Variants in TPCN1 observed in about 807,000 individuals in gnomAD.
The protein encoded by TPCN1 is two pore segment channel 1.
A neutral mutation model predicts 108.8 loss-of-function variants in TPCN1; 52 were observed. That is an observed-to-expected ratio of 0.48 (90% CI 0.38 to 0.60). TPCN1 has a LOEUF of 0.60. Ranked by LOEUF, TPCN1 falls within the 20% of genes least tolerant of loss-of-function variation. TPCN1 has a pLI of 0.00. For synonymous variants in TPCN1, 446 were observed against 433.7 expected, an observed-to-expected ratio of 1.03 and a Z score of -0.35; for missense variants, 806 against 1,072.8, an observed-to-expected ratio of 0.75 and a Z score of 3.47.
At chr12:113,260,282 G>A in intron 2 of TPCN1, 86 bp from the exon 3 acceptor site, 1 of 1,404,840 alleles carries the variant, frequency 7.1e-7, no homozygotes, top group Non-Finnish European at 9.3e-7. Context: ...CATATGAAGG[G>A]ACTGCCAGGC....
intron 2 of TPCN1, among the ~76,000 whole-genome samples, chr12:113,230,126 G>A (rs968641026): frequency 1.3e-5 from 2 of 152,000 alleles, no homozygotes; most frequent in African/African-American, 4.8e-5. Flanking sequence ...TCTCTTTGAA[G>A]CCTTCACTGA....
Position 113,291,890 on chromosome 12 carries a change from T to C in TPCN1, c.2045T>C (p.Ile682Thr), listed in dbSNP as rs199850399. ...CCTGGCCAGGTGGTGATGACGATCATTGTCGCCTTTATCCTCGAGGCCTTC... is the reference window on the plus strand; with the variant it reads ...CCTGGCCAGGTGGTGATGACGATCACTGTCGCCTTTATCCTCGAGGCCTTC... ...YIVTMVVMTI[I>T]VAFILEAFVF... Residue 682 changes from isoleucine (I) to threonine (T), a missense_variant, in exon 25 of 28, where the codon ATT becomes ACT. By Grantham distance (89) the Ile-to-Thr change is moderately conservative. Coordinates refer to ENST00000335509, the MANE Select transcript of TPCN1 (RefSeq NM_017901.6). 7.3e-6 allele frequency: 11 copies of C among 1,510,438 alleles called. No homozygotes were observed. The Admixed American group carries it at 1.4e-4, about 20-fold the overall frequency. 93.6% of individuals were successfully genotyped at this position (1,510,438 alleles called of 1,614,324 possible).
At position 113,290,155 on chromosome 12, in the gene TPCN1, C is replaced by T. The variant is rs142922312; in HGVS notation, c.1824C>T (p.Arg608=). Reference sequence around the variant, plus strand: ...CGAGTACAGTGGCAGATGCCTACCGCTGGCGCAACCACACCGTGGGCAACA... The same window carrying T: ...CGAGTACAGTGGCAGATGCCTACCGTTGGCGCAACCACACCGTGGGCAACA... ...CNTSTVADAY[R]WRNHTVGNRT... Residue 608 remains arginine, a synonymous_variant, in exon 22 of 28, where the codon CGC becomes CGT. Coordinates refer to ENST00000335509, the MANE Select transcript of TPCN1 (RefSeq NM_017901.6). The T allele has an allele frequency of 5.7e-3, 9,083 of 1,602,666 alleles. 39 individuals are homozygous for T. Among genetic ancestry groups the T allele is most frequent in the South Asian group, 6.9e-3 (616 of 89,212 alleles).
At chr12:113,239,819 T>C (rs1357477776) in intron 2 of TPCN1, among the ~76,000 whole-genome samples, 1 of 152,248 alleles carries the variant, frequency 6.6e-6, no homozygotes, top group Admixed American at 6.5e-5. Flanking sequence ...AGACTGCCTG[T>C]CTCTCTTTTT....
At chr12:113,239,585 GC>G (rs1186206355) in intron 2 of TPCN1, among the ~76,000 whole-genome samples, 1 of 152,322 alleles carries the variant, frequency 6.6e-6, no homozygotes, top group Non-Finnish European at 1.5e-5. Flanking sequence ...GACTGTCACA[GC>G]TAAACCAGCC....
Position 113,295,980 on chromosome 12 carries a change from C to T in TPCN1, c.2355C>T (p.Ala785=), listed in dbSNP as rs1956413216. Residue 785 remains alanine (A), a synonymous_variant, in exon 28 of 28, where the codon GCC becomes GCT. Coordinates refer to ENST00000335509, the MANE Select transcript of TPCN1 (RefSeq NM_017901.6). ...EEIQEWYEEH[A]REQEQQRQLS... Reference sequence around the variant, plus strand: ...TCCAGGAGTGGTATGAGGAGCATGCCAGGGAGCAAGAGCAGCAGCGACAAC... The same window carrying T: ...TCCAGGAGTGGTATGAGGAGCATGCTAGGGAGCAAGAGCAGCAGCGACAAC... The T allele has an allele frequency of 6.2e-7, 1 of 1,609,928 alleles. No homozygotes were observed. The highest frequency in any genetic ancestry group is 2.2e-5 in the East Asian group (1 of 44,808).
intron 10 of TPCN1, among the ~76,000 whole-genome samples, chr12:113,275,113 G>A (rs1039154236): frequency 5.9e-5 from 9 of 152,152 alleles, no homozygotes; most frequent in Admixed American, 2.6e-4. Context: ...AGAGGCTTCC[G>A]ATCGAGTCCT....
In TPCN1 at chr12:113,268,052, G is replaced by C. The variant is rs941380183; in HGVS notation, c.528+96G>C. 6 of 892,960 alleles carry C rather than the reference G, an allele frequency of 6.7e-6. No individual in the cohort carries two copies. The African/African-American group carries it at 8.2e-5, about 12-fold the overall frequency. 55.3% of individuals were successfully genotyped at this position (892,960 alleles called of 1,614,324 possible). On this transcript the variant is annotated intron_variant, in intron 5 of 27. Transcript: ENST00000335509. The surrounding 1 kb of genome is among the most constrained non-coding windows in gnomAD (Gnocchi z 7.3). ...TGGTACAATTCAGAATCCACCATGGGCCCAGTCCATGCTCAGAGGTGTAAC... is the reference window on the plus strand; with the variant it reads ...TGGTACAATTCAGAATCCACCATGGCCCCAGTCCATGCTCAGAGGTGTAAC...
chr12:113,281,240 A>G (rs1955877210), intron 15 of TPCN1, among the ~76,000 whole-genome samples: 1 of 152,038 alleles, frequency 6.6e-6, no homozygotes, highest in Non-Finnish European at 1.5e-5. Context: ...GAGTTTCACC[A>G]TGTTGACCAG....
rs1226840239 is a variant in TPCN1, at chr12:113,284,652, G to C, written c.1399+15G>C. The C allele has an allele frequency of 6.2e-7, 1 of 1,614,112 alleles. No homozygotes were observed. Among genetic ancestry groups the C allele is most frequent in the African/African-American group, 1.3e-5 (1 of 74,936 alleles). On this transcript the variant is annotated intron_variant, in intron 16 of 27. Transcript: ENST00000335509. This position sits in a 1 kb window ranked among gnomAD's most constrained non-coding sequence, Gnocchi z 4.1. ...TATGCTGAAAGGTGAGCCCCGCTCA[G>C]GGACTGGCCGTGTCCTGGCCGGCAC...
intron 2 of TPCN1, chr12:113,244,268 C>T (rs1017225781): frequency 2.0e-5 from 20 of 981,670 alleles, no homozygotes; most frequent in Non-Finnish European, 2.3e-5. Flanking sequence ...TTTCCCTTTC[C>T]TCCTTTGGCT....
intron 2 of TPCN1, among the ~76,000 whole-genome samples, chr12:113,235,612 C>T (rs1041619781): frequency 7.9e-5 from 12 of 151,974 alleles, no homozygotes; most frequent in Admixed American, 5.9e-4. Flanking sequence ...CTAAAATGGC[C>T]GCACATTTAG....
intron 15 of TPCN1, among the ~76,000 whole-genome samples, chr12:113,281,746 C>T (rs1228006106): frequency 6.6e-6 from 1 of 151,814 alleles, no homozygotes; most frequent in African/African-American, 2.4e-5. Flanking sequence ...CTCATGTTGC[C>T]CAGGCTGGTC....
chr12:113,290,742 TG>T (rs1289937274), intron 22 of TPCN1, among the ~76,000 whole-genome samples: 1 of 152,130 alleles, frequency 6.6e-6, no homozygotes, highest in Non-Finnish European at 1.5e-5. Context: ...GCAGAGGGTG[TG>T]TTCTCTTGGG....
chr12:113,291,035 C>T (rs368522400), intron 23 of TPCN1, 37 bp downstream of exon 23: 2 of 1,607,414 alleles, frequency 1.2e-6, no homozygotes, highest in Middle Eastern at 1.7e-4. Flanking sequence ...ATCTTCCCGC[C>T]AGCCCTGGGG....
At chr12:113,283,343 G>A (rs1287642667) in intron 15 of TPCN1, among the ~76,000 whole-genome samples, 1 of 152,070 alleles carries the variant, frequency 6.6e-6, no homozygotes, top group East Asian at 1.9e-4. Context: ...ACCGTAATAT[G>A]TAGAAATGAG....
At chr12:113,222,371 A>G (rs562915216) in intron 1 of TPCN1, among the ~76,000 whole-genome samples, 1 of 152,184 alleles carries the variant, frequency 6.6e-6, no homozygotes, top group South Asian at 2.1e-4. Context: ...GATATTAGCT[A>G]AGATAGGATT....
In TPCN1 at chr12:113,278,817, G is replaced by A; in HGVS notation, c.1279G>A (p.Ala427Thr). The A allele has an allele frequency of 1.9e-6, 3 of 1,613,968 alleles. No homozygotes were observed. The highest frequency in any genetic ancestry group is 2.5e-6 in the Non-Finnish European group (3 of 1,179,910). The stretch of plus-strand genomic sequence containing the variant: ...CTGGTTTGATGAGCTTCCCAGGACG[G>A]CGCTCCTCATCTTCAAAGGTAAGTG... ...EHWFDELPRTALLIFKGINIL... is the reference protein window; with the variant it reads ...EHWFDELPRTTLLIFKGINIL... Residue 427 changes from alanine (A) to threonine (T), a missense_variant, in exon 14 of 28, where the codon GCG (alanine) becomes ACG (threonine). Transcript: ENST00000335509.
At chr12:113,292,823 A>T in intron 25 of TPCN1, 111 bp from the exon 26 acceptor site, 2 of 1,261,024 alleles carry the variant, frequency 1.6e-6, no homozygotes, top group Non-Finnish European at 2.2e-6. Context: ...GTGTCGGTTT[A>T]GAGAGAGAAC....
Sources: gnomAD v4.1 joint callset for allele counts (sites outside exome capture counted in the v4.1 genomes callset) on GRCh38, gnomAD v4.1.1 for gene constraint, Gnocchi (gnomAD v3.1) non-coding constraint, MANE v1.5 for transcripts, NCBI Gene and HGNC (gene_info 2026-07-23, HGNC 2026-07-21) for gene names.